NRXN1: variants seen among roughly 807,000 people sequenced by gnomAD.
NRXN1 encodes neurexin-1.
Under a neutral mutation model 150.9 loss-of-function variants are expected in NRXN1, and 39 were observed. The ratio of observed to expected loss-of-function variants is 0.26; its 90% confidence interval spans 0.20 to 0.34. The LOEUF (loss-of-function observed/expected upper bound fraction) is 0.34. Among genes scored for constraint, NRXN1 ranks in the 10% least tolerant of loss-of-function variants. The probability of loss-of-function intolerance (pLI) is 1.00; values close to 1 mark genes in which losing one functional copy is unlikely to be tolerated. For missense variants in NRXN1, 1,815 were observed against 1,949.9 expected, an observed-to-expected ratio of 0.93 and a Z score of 1.30; for synonymous variants, 924 against 757.0, an observed-to-expected ratio of 1.22 and a Z score of -3.62.
intron 12 of NRXN1, among the ~76,000 whole-genome samples, chr2:50,523,805 A>G (rs901114159): frequency 2.6e-5 from 4 of 152,156 alleles, no homozygotes; most frequent in African/African-American, 9.7e-5. Context: ...TCTCTCCAAT[A>G]CTTGGGCACT....
intron 17 of NRXN1, among the ~76,000 whole-genome samples, chr2:50,326,842 G>C (rs1035162811): frequency 6.6e-6 from 1 of 152,054 alleles, no homozygotes; most frequent in Non-Finnish European, 1.5e-5. Flanking sequence ...GTTGAAACTA[G>C]GCAGAACATC....
chr2:50,986,270 G>C (rs887852237), intron 2 of NRXN1, among the ~76,000 whole-genome samples: 4 of 151,610 alleles, frequency 2.6e-5, no homozygotes, highest in South Asian at 4.1e-4. Context: ...AGAGACTCTT[G>C]TAACGTAAAT....
At chr2:50,064,589 T>C (rs34780215) in intron 19 of NRXN1, among the ~76,000 whole-genome samples, 2 of 152,192 alleles carry the variant, frequency 1.3e-5, no homozygotes, top group African/African-American at 4.8e-5. Context: ...TCCAAGACTA[T>C]ATTTTCTAGA....
At chr2:50,363,718 T>G (rs893216676) in intron 17 of NRXN1, among the ~76,000 whole-genome samples, 1 of 152,246 alleles carries the variant, frequency 6.6e-6, no homozygotes, top group Non-Finnish European at 1.5e-5. Flanking sequence ...GAATACCATT[T>G]GATTCAGCAA....
At chr2:50,692,584 T>C (rs1340861213) in intron 5 of NRXN1, among the ~76,000 whole-genome samples, 3 of 152,152 alleles carry the variant, frequency 2.0e-5, no homozygotes, top group African/African-American at 7.2e-5. Context: ...AAATCAATCA[T>C]CTACCACAAC....
rs185652573 is a variant in NRXN1, at chr2:50,376,198, C to T, written c.3364+89244G>A. ...TGAAGCTTCTAAAAAACCTAGAAAA[C>T]AGTATAAAGGACTTAGACACAGTAC... On this transcript the variant is annotated intron_variant, in intron 17 of 22. Coordinates refer to ENST00000401669, the MANE Select transcript of NRXN1 (RefSeq NM_001330078.2). Among the ~76,000 whole-genome samples, 174 of 151,700 alleles carry T rather than the reference C, an allele frequency of 1.1e-3. 1 individual carries two copies. The highest frequency in any genetic ancestry group is 1.5e-3 in the Non-Finnish European group (99 of 67,848).
chr2:50,773,810 C>T (rs1259510526), intron 5 of NRXN1, among the ~76,000 whole-genome samples: 1 of 152,104 alleles, frequency 6.6e-6, no homozygotes, highest in Non-Finnish European at 1.5e-5. Context: ...AAGGTTGAGT[C>T]TCCATGGCCC....
chr2:50,605,520 T>A (rs538907454), intron 8 of NRXN1, among the ~76,000 whole-genome samples: 7 of 151,940 alleles, frequency 4.6e-5, no homozygotes, highest in Non-Finnish European at 8.8e-5. Context: ...GGCCAACAGG[T>A]ATGTAAAAAG....
chr2:49,971,022 C>T (rs1173996201), intron 21 of NRXN1, among the ~76,000 whole-genome samples: 5 of 152,080 alleles, frequency 3.3e-5, no homozygotes, highest in Admixed American at 3.3e-4. Context: ...ATTAACAGCA[C>T]TAATTTTGAT....
chr2:50,048,933 C>A (rs1476628209), intron 21 of NRXN1, among the ~76,000 whole-genome samples: 3 of 152,032 alleles, frequency 2.0e-5, no homozygotes, highest in Non-Finnish European at 4.4e-5. Flanking sequence ...CAGAATCTCT[C>A]AAAATTTTAT....
At chr2:50,245,788 C>T (rs9917273) in intron 17 of NRXN1, among the ~76,000 whole-genome samples, 111 of 151,662 alleles carry the variant, frequency 7.3e-4, no homozygotes, top group African/African-American at 1.1e-3. Context: ...AACTTACTGC[C>T]GAAATACTCT....
intron 17 of NRXN1, among the ~76,000 whole-genome samples, chr2:50,377,166 T>C (rs1402889969): frequency 6.6e-6 from 1 of 152,128 alleles, no homozygotes; most frequent in Non-Finnish European, 1.5e-5. Context: ...ACATGTGCGA[T>C]GGTGGTTTGC....
chr2:50,252,425 A>G (rs2067217277), intron 17 of NRXN1, among the ~76,000 whole-genome samples: 4 of 151,292 alleles, frequency 2.6e-5, no homozygotes, highest in South Asian at 4.2e-4. Flanking sequence ...CACTCAGCTA[A>G]TTTTTGTACT....
At chr2:50,253,077 C>T (rs1368710029) in intron 17 of NRXN1, among the ~76,000 whole-genome samples, 1 of 151,956 alleles carries the variant, frequency 6.6e-6, no homozygotes, top group Non-Finnish European at 1.5e-5. Flanking sequence ...TGTGTCCTTT[C>T]TTGTTTTCTT....
chr2:50,650,591 G>C (rs1685473150), intron 5 of NRXN1, among the ~76,000 whole-genome samples: 1 of 151,992 alleles, frequency 6.6e-6, no homozygotes, highest in African/African-American at 2.4e-5. Flanking sequence ...TGCTCTGTGA[G>C]CTCATTACGT....
chr2:50,028,649 C>A (rs890898692), intron 21 of NRXN1, among the ~76,000 whole-genome samples: 2 of 152,214 alleles, frequency 1.3e-5, no homozygotes, highest in East Asian at 1.9e-4. Flanking sequence ...TAAGGCCATG[C>A]CTGGCAGGTA....
In NRXN1 at chr2:50,552,631, T is replaced by C. The variant is rs1558925182; in HGVS notation, c.1715A>G (p.Asp572Gly). ...KIKALLKKVN[D>G]GEWYHVDFQR... Reference sequence around the variant, plus strand: ...GAAGTCCACATGATACCATTCTCCATCATTCACTTTCTTCAACAGGGCTTT... The same window carrying C: ...GAAGTCCACATGATACCATTCTCCACCATTCACTTTCTTCAACAGGGCTTT... Residue 572 changes from aspartate (D) to glycine (G), a missense_variant, in exon 9 of 23, where the codon GAT becomes GGT. Coordinates refer to ENST00000401669, the MANE Select transcript of NRXN1 (RefSeq NM_001330078.2). 6.2e-7 allele frequency: 1 copy of C among 1,613,800 alleles called. No individual in the cohort carries two copies. Among genetic ancestry groups the C allele is most frequent in the Non-Finnish European group, 8.5e-7 (1 of 1,179,798 alleles).
intron 5 of NRXN1, among the ~76,000 whole-genome samples, chr2:50,745,315 G>GA (rs1176834431): frequency 4.0e-5 from 5 of 124,088 alleles, no homozygotes; most frequent in Admixed American, 2.9e-4. Flanking sequence ...CCCCAGGACT[G>GA]AAAAAAAACC....
intron 5 of NRXN1, among the ~76,000 whole-genome samples, chr2:50,679,271 G>C (rs927068725): frequency 6.6e-6 from 1 of 152,114 alleles, no homozygotes; most frequent in African/African-American, 2.4e-5. Context: ...CCCTCTGGAA[G>C]GATTCTTGGA....
Sources: gnomAD v4.1 joint callset for allele counts (sites outside exome capture counted in the v4.1 genomes callset) on GRCh38, gnomAD v4.1.1 for gene constraint, MANE v1.5 for transcripts, NCBI Gene and HGNC (gene_info 2026-07-23, HGNC 2026-07-21) for gene names.